MMP16: variants seen among roughly 807,000 people sequenced by gnomAD.
MMP16 encodes the protein matrix metalloproteinase-16.
MMP16 carries 12 observed loss-of-function variants against 67.8 expected under a neutral mutation model. The ratio of observed to expected loss-of-function variants is 0.18; its 90% CI spans 0.11 to 0.29. The LOEUF is 0.29. Ranked by LOEUF, MMP16 falls within the 10% of genes least tolerant of loss-of-function variation. The pLI, the probability that MMP16 is intolerant of heterozygous loss-of-function variation, is 1.00. For missense variants in MMP16, 475 were observed against 765.7 expected (o/e 0.62, Z 4.48); for synonymous variants, 249 against 255.9 (o/e 0.97, Z 0.26).
At chr8:88,093,955 T>C (rs1275845912) in intron 6 of MMP16, among the ~76,000 whole-genome samples, 2 of 150,862 alleles carry the variant, frequency 1.3e-5, no homozygotes, top group East Asian at 1.9e-4. Flanking sequence ...TATATCAGAA[T>C]TGGCCCAACA....
At chr8:88,093,620 C>T (rs1337060678) in intron 6 of MMP16, among the ~76,000 whole-genome samples, 1 of 151,728 alleles carries the variant, frequency 6.6e-6, no homozygotes, top group Non-Finnish European at 1.5e-5. Flanking sequence ...TTTAGCTGTT[C>T]TTTGTACTTC....
intron 4 of MMP16, among the ~76,000 whole-genome samples, chr8:88,121,307 A>T (rs377266038): frequency 2.6e-5 from 4 of 151,886 alleles, no homozygotes; most frequent in African/African-American, 9.7e-5. Context: ...TGAACTTACG[A>T]CCTGTCGAGT....
chr8:88,166,289 A>G (rs1808709050), intron 4 of MMP16, among the ~76,000 whole-genome samples: 2 of 152,180 alleles, frequency 1.3e-5, no homozygotes, highest in African/African-American at 4.8e-5. Context: ...TAGTTGAATA[A>G]CATTCTACAA....
At chr8:88,063,323 G>A (rs1808424555) in intron 7 of MMP16, among the ~76,000 whole-genome samples, 1 of 151,946 alleles carries the variant, frequency 6.6e-6, no homozygotes. Flanking sequence ...TAGTCTGTCA[G>A]TCAACCAGGA....
chr8:88,232,244 C>T (rs148730050), intron 1 of MMP16, among the ~76,000 whole-genome samples: 111 of 152,168 alleles, frequency 7.3e-4, no homozygotes, highest in African/African-American at 2.5e-3. Context: ...GTAAGAAATT[C>T]GGTTTTACAT....
chr8:88,158,763 T>G (rs1210942985), intron 4 of MMP16, among the ~76,000 whole-genome samples: 2 of 152,242 alleles, frequency 1.3e-5, no homozygotes, highest in African/African-American at 4.8e-5. Context: ...TGAATGGTAT[T>G]GCCTAGGTTT....
At chr8:88,237,958 C>T (rs775676675) in intron 1 of MMP16, among the ~76,000 whole-genome samples, 71 of 152,200 alleles carry the variant, frequency 4.7e-4, no homozygotes, top group Admixed American at 2.2e-3. Flanking sequence ...ACTGGGTCAT[C>T]AGTCAATCTA....
rs550035783 is a variant in MMP16 at position 88,086,093 on chromosome 8, A to G, written c.1084-11350T>C. Among the ~76,000 whole-genome samples, 3 of 152,006 alleles carry G rather than the reference A, an allele frequency of 2.0e-5. No individual in the cohort carries two copies. The South Asian group carries it at 6.2e-4, about 31-fold the overall frequency. On this transcript the variant is annotated intron_variant, in intron 6 of 9. Coordinates refer to ENST00000286614, the MANE Select transcript of MMP16 (RefSeq NM_005941.5). ...CAAAAATGTAGTTCAGCTCTAGCAT[A>G]GAAAGAGCGAGCTGGGGAGTAAGTG... is the stretch of plus-strand genomic sequence containing the variant.
chr8:88,136,343 C>T (rs905219409), intron 4 of MMP16, among the ~76,000 whole-genome samples: 12 of 151,770 alleles, frequency 7.9e-5, no homozygotes, highest in African/African-American at 2.9e-4. Context: ...TGTGGGTTCC[C>T]ATGTCTTTCT....
intron 9 of MMP16, among the ~76,000 whole-genome samples, chr8:88,046,247 A>T (rs1394531318): frequency 6.6e-6 from 1 of 152,206 alleles, no homozygotes; most frequent in Non-Finnish European, 1.5e-5. Flanking sequence ...TCTTCCTCTA[A>T]GCTAAAGAAT....
intron 1 of MMP16, among the ~76,000 whole-genome samples, chr8:88,256,196 A>AT (rs548823887): frequency 2.0e-4 from 30 of 152,052 alleles, no homozygotes; most frequent in Admixed American, 1.1e-3. Context: ...CTAAATACTT[A>AT]TTTTTTTTAA....
Position 88,037,883 on chromosome 8 carries a change from T to C in MMP16, c.*3578A>G, listed in dbSNP as rs1291906141. 2 of 152,012 alleles carry C rather than the reference T, an allele frequency of 1.3e-5. No homozygotes were observed. Among genetic ancestry groups the C allele is most frequent in the Non-Finnish European group, 2.9e-5 (2 of 67,916 alleles). 9.4% of individuals were successfully genotyped at this position (152,012 alleles called of 1,614,324 possible). On this transcript the variant is annotated 3_prime_UTR_variant, in exon 10 of 10. Coordinates refer to ENST00000286614, the MANE Select transcript of MMP16 (RefSeq NM_005941.5). ...AAATGAAGCAGAAGGAGAATTATTT[T>C]TGCAGGCATGAATGTGTTTTCATTT...
chr8:88,289,856 A>G (rs1324947837), intron 1 of MMP16, among the ~76,000 whole-genome samples: 1 of 152,124 alleles, frequency 6.6e-6, no homozygotes, highest in African/African-American at 2.4e-5. Context: ...CTACCCCACT[A>G]GCAAGTGCCA....
intron 2 of MMP16, among the ~76,000 whole-genome samples, chr8:88,188,491 C>A (rs1809114377): frequency 6.6e-6 from 1 of 152,056 alleles, no homozygotes; most frequent in Non-Finnish European, 1.5e-5. Context: ...TTTGAAACAA[C>A]AGAATTAACT....
At chr8:88,176,401 G>T (rs1808890628) in intron 3 of MMP16, among the ~76,000 whole-genome samples, 1 of 152,090 alleles carries the variant, frequency 6.6e-6, no homozygotes. Flanking sequence ...TAAAGAAAAA[G>T]TGTAGTGAGT....
At chr8:88,303,180 C>A (rs1158817159) in intron 1 of MMP16, among the ~76,000 whole-genome samples, 1 of 152,160 alleles carries the variant, frequency 6.6e-6, no homozygotes, top group Admixed American at 6.5e-5. Flanking sequence ...GCTACATACA[C>A]CCGGGGGCGG....
intron 4 of MMP16, among the ~76,000 whole-genome samples, chr8:88,147,785 G>T (rs1376590879): frequency 2.0e-5 from 3 of 151,658 alleles, no homozygotes; most frequent in Non-Finnish European, 4.4e-5. Context: ...GTTTGTGTGT[G>T]TGTGTGTGTG....
intron 4 of MMP16, among the ~76,000 whole-genome samples, chr8:88,125,061 G>A (rs557791100): frequency 6.6e-6 from 1 of 151,804 alleles, no homozygotes; most frequent in South Asian, 2.1e-4. Flanking sequence ...GAATTTTGTG[G>A]CTTTAACCAC....
chr8:88,087,842 G>C (rs1353125467), intron 6 of MMP16, among the ~76,000 whole-genome samples: 1 of 151,336 alleles, frequency 6.6e-6, no homozygotes, highest in Non-Finnish European at 1.5e-5. Context: ...TACTTGGAAG[G>C]CTGTGATGGG....
Sources: gnomAD v4.1 joint callset for allele counts (sites outside exome capture counted in the v4.1 genomes callset) on GRCh38, gnomAD v4.1.1 for gene constraint, MANE v1.5 for transcripts, NCBI Gene and HGNC (gene_info 2026-07-23, HGNC 2026-07-21) for gene names.